The following PIEZO2 variants were observed in gnomAD, a reference collection of about 807,000 sequenced individuals.
PIEZO2 encodes piezo type mechanosensitive ion channel component 2.
A neutral mutation model predicts 337.3 loss-of-function variants in PIEZO2; 172 were observed. The observed-to-expected ratio is 0.51, with a 90% CI of 0.45 to 0.58. PIEZO2 has a LOEUF of 0.58. Among genes scored for constraint, PIEZO2 ranks in the 20% least tolerant of loss-of-function variants. The probability of loss-of-function intolerance (pLI) is 0.00; values close to 1 mark genes in which losing one functional copy is unlikely to be tolerated. For missense variants in PIEZO2, 3,028 were observed against 3,391.3 expected (o/e 0.89, Z 2.66); for synonymous variants, 1,251 against 1,228.5 (o/e 1.02, Z -0.38).
rs1004758855 is a variant in PIEZO2, at chr18:11,146,988, G to T, written c.64+1537C>A. 6.6e-6 allele frequency among the ~76,000 whole-genome samples: 1 copy of T among 152,166 alleles called. No homozygotes were observed. Among genetic ancestry groups the T allele is most frequent in the Admixed American group, 6.5e-5 (1 of 15,278 alleles). ...CCATAAATCACGCTTCATGCTAAAA[G>T]CCCTTTGTTAACTCGGTCACTAGCT... On this transcript the variant is annotated intron_variant, in intron 1 of 55. Coordinates refer to ENST00000674853, the MANE Select transcript of PIEZO2 (RefSeq NM_001378183.1). This position sits in a 1 kb window ranked among gnomAD's most constrained non-coding sequence, Gnocchi z 6.1.
In PIEZO2 at chr18:11,143,836, T is replaced by A. The variant is rs1382068540; in HGVS notation, c.64+4689A>T. ...GCATTCTGCTCTCTGCTCATCTTCATAAAGGTAAGGCAGCGCCTGCTGTGT... is the reference window on the plus strand; with the variant it reads ...GCATTCTGCTCTCTGCTCATCTTCAAAAAGGTAAGGCAGCGCCTGCTGTGT... On this transcript the variant is annotated intron_variant, in intron 1 of 55. Coordinates refer to ENST00000674853, the MANE Select transcript of PIEZO2 (RefSeq NM_001378183.1). This position sits in a 1 kb window ranked among gnomAD's most constrained non-coding sequence, Gnocchi z 4.9. 6.6e-6 allele frequency among the ~76,000 whole-genome samples: 1 copy of A among 152,214 alleles called. No homozygotes were observed. The highest frequency in any genetic ancestry group is 2.4e-5 in the African/African-American group (1 of 41,460).
At chr18:10,700,486 A>T (rs2035285166) in intron 43 of PIEZO2, among the ~76,000 whole-genome samples, 1 of 151,958 alleles carries the variant, frequency 6.6e-6, no homozygotes, top group African/African-American at 2.4e-5. Flanking sequence ...TGAAATTTTC[A>T]AAAAAAGAAT....
intron 41 of PIEZO2, among the ~76,000 whole-genome samples, chr18:10,704,944 G>C (rs2035511632): frequency 6.6e-6 from 1 of 152,174 alleles, no homozygotes; most frequent in South Asian, 2.1e-4. Flanking sequence ...ACCCGCCTCA[G>C]CCTCCCAAAG....
chr18:10,701,740 A>T (rs1022026357), intron 43 of PIEZO2: 2 of 354,970 alleles, frequency 5.6e-6, no homozygotes, highest in East Asian at 9.5e-5. Flanking sequence ...ATGGGGAAAC[A>T]TTCTCCCAGA....
intron 2 of PIEZO2, among the ~76,000 whole-genome samples, chr18:11,018,451 C>A (rs1268072176): frequency 7.1e-6 from 1 of 141,226 alleles, no homozygotes; most frequent in African/African-American, 2.6e-5. Context: ...AAAGGAAGAA[C>A]ATGAGCTTGG....
chr18:10,824,099 A>G lies in PIEZO2; in HGVS notation c.918-16825T>C, dbSNP rs2040599394. Among the ~76,000 whole-genome samples the G allele has an allele frequency of 6.6e-6, 1 of 152,162 alleles. No individual in the cohort carries two copies. Among genetic ancestry groups the G allele is most frequent in the Non-Finnish European group, 1.5e-5 (1 of 68,046 alleles). ...AATAATACATACAATTGTTATATGA[A>G]TTTAACCCTATATATATATTTTATG... On this transcript the variant is annotated intron_variant, in intron 7 of 55. Coordinates refer to ENST00000674853, the MANE Select transcript of PIEZO2 (RefSeq NM_001378183.1). This position sits in a 1 kb window ranked among gnomAD's most constrained non-coding sequence, Gnocchi z 4.4.
In PIEZO2 at chr18:10,752,701, G is replaced by A. The variant is rs1276663395; in HGVS notation, c.4102C>T (p.Leu1368=). ...GCGATCAGCCAGTCCCAGTAGCGCA[G>A]GATGCTCTTGATGGGTTTCAACAGC... ...DLLLKPIKSI[L]RYWDWLIAYN... is the part of the protein sequence containing the mutation. Residue 1368 remains leucine, a synonymous_variant, in exon 28 of 56, where the codon CTG becomes TTG. Coordinates refer to ENST00000674853, the MANE Select transcript of PIEZO2 (RefSeq NM_001378183.1). 3 of 1,537,218 alleles carry A rather than the reference G, an allele frequency of 2.0e-6. No individual in the cohort carries two copies. Among genetic ancestry groups the A allele is most frequent in the Admixed American group, 2.0e-5 (1 of 51,004 alleles).
In PIEZO2 at chr18:10,815,032, G is replaced by A. The variant is rs2040321466; in HGVS notation, c.918-7758C>T. 6.6e-6 allele frequency among the ~76,000 whole-genome samples: 1 copy of A among 152,148 alleles called. No homozygotes were observed. The highest frequency in any genetic ancestry group is 2.4e-5 in the African/African-American group (1 of 41,448). On this transcript the variant is annotated intron_variant, in intron 7 of 55. Coordinates refer to ENST00000674853, the MANE Select transcript of PIEZO2 (RefSeq NM_001378183.1). The surrounding 1 kb of genome is among the most constrained non-coding windows in gnomAD (Gnocchi z 4.1). ...TTTAAGTAGACATAGGTGCCCTGCA[G>A]CAGCTTATAAAACTAATTGTGGGGA...
At chr18:11,066,072 C>A in intron 2 of PIEZO2, 55 bp downstream of exon 2, 2 of 1,415,170 alleles carry the variant, frequency 1.4e-6, no homozygotes, top group Non-Finnish European at 1.9e-6. Flanking sequence ...AGGAGCCCAG[C>A]AAAATACATT....
rs368572693 is a variant in PIEZO2, at chr18:10,836,546, C to T, written c.917+18807G>A. Among the ~76,000 whole-genome samples, 12 of 152,234 alleles carry T rather than the reference C, an allele frequency of 7.9e-5. No individual in the cohort carries two copies. In the South Asian group the frequency reaches 2.3e-3, roughly 29 times the overall value. On this transcript the variant is annotated intron_variant, in intron 7 of 55. Transcript: ENST00000674853. ...TTTAATGTGAAGCTATTGTTAATTC[C>T]ATTACTTTGTGGCTAATTACTAGGT...
intron 2 of PIEZO2, among the ~76,000 whole-genome samples, chr18:11,005,329 C>T (rs928370984): frequency 7.2e-5 from 11 of 152,200 alleles, no homozygotes; most frequent in Non-Finnish European, 1.5e-5. Context: ...CCATGCTACA[C>T]TTCATTCTCT....
intron 3 of PIEZO2, among the ~76,000 whole-genome samples, chr18:10,976,727 T>C (rs914698701): frequency 6.6e-6 from 1 of 152,350 alleles, no homozygotes; most frequent in East Asian, 1.9e-4. Flanking sequence ...GAATAAAAAC[T>C]GTCTTTGACA....
chr18:11,124,413 A>G (rs1458877119), intron 1 of PIEZO2, among the ~76,000 whole-genome samples: 1 of 152,238 alleles, frequency 6.6e-6, no homozygotes, highest in East Asian at 1.9e-4. Flanking sequence ...ATAGAAATAC[A>G]ACATCACTGT....
rs576741452 is a variant in PIEZO2, at chr18:11,083,950, G to A, written c.65-17728C>T. On this transcript the variant is annotated intron_variant, in intron 1 of 55. Coordinates refer to ENST00000674853, the MANE Select transcript of PIEZO2 (RefSeq NM_001378183.1). The surrounding 1 kb of genome is among the most constrained non-coding windows in gnomAD (Gnocchi z 4.4). ...CCAGCACTTTGGGAGGCCAAGGCGG[G>A]CTGACCAACTGAGGTCAGGAGTTCA... Among the ~76,000 whole-genome samples the A allele has an allele frequency of 6.6e-6, 1 of 152,272 alleles. No individual in the cohort carries two copies. Among genetic ancestry groups the A allele is most frequent in the East Asian group, 1.9e-4 (1 of 5,172 alleles).
At chr18:10,916,255 C>G (rs566424446) in intron 3 of PIEZO2, among the ~76,000 whole-genome samples, 2 of 152,272 alleles carry the variant, frequency 1.3e-5, no homozygotes, top group East Asian at 3.9e-4. Flanking sequence ...ATGCCAGGGC[C>G]GCAGGCAGCC....
intron 2 of PIEZO2, among the ~76,000 whole-genome samples, chr18:11,013,519 T>C (rs1176212527): frequency 1.3e-5 from 2 of 152,228 alleles, no homozygotes; most frequent in Admixed American, 6.5e-5. Flanking sequence ...TATCAACACT[T>C]GATCTTAATT....
chr18:10,749,876 G>T (rs918537695), intron 29 of PIEZO2, among the ~76,000 whole-genome samples: 1 of 152,172 alleles, frequency 6.6e-6, no homozygotes, highest in African/African-American at 2.4e-5. Flanking sequence ...CAGCATTTCA[G>T]AAGTTTCAAG....
intron 1 of PIEZO2, among the ~76,000 whole-genome samples, chr18:11,140,013 T>TG (rs2040596935): frequency 6.6e-6 from 1 of 152,178 alleles, no homozygotes; most frequent in African/African-American, 2.4e-5. Flanking sequence ...TGCACCCACC[T>TG]GGTCTTTGGT....
At position 11,097,776 on chromosome 18, in the gene PIEZO2, T is replaced by C. The variant is rs1175886401; in HGVS notation, c.65-31554A>G. ...TGGAAATACTGTTGTATGGTAGATA[T>C]ATATTCCTAAATCAGAAAAAGTCTA... On this transcript the variant is annotated intron_variant, in intron 1 of 55. Coordinates refer to ENST00000674853, the MANE Select transcript of PIEZO2 (RefSeq NM_001378183.1). The surrounding 1 kb of genome is among the most constrained non-coding windows in gnomAD (Gnocchi z 5.0). Among the ~76,000 whole-genome samples the C allele has an allele frequency of 1.3e-5, 2 of 152,248 alleles. No homozygotes were observed. Among genetic ancestry groups the C allele is most frequent in the Admixed American group, 1.3e-4 (2 of 15,278 alleles).
Sources: gnomAD v4.1 joint callset for allele counts (sites outside exome capture counted in the v4.1 genomes callset) on GRCh38, gnomAD v4.1.1 for gene constraint, Gnocchi (gnomAD v3.1) non-coding constraint, MANE v1.5 for transcripts, NCBI Gene and HGNC (gene_info 2026-07-23, HGNC 2026-07-21) for gene names.